TENM2: variants seen among roughly 807,000 people sequenced by gnomAD.
The protein encoded by TENM2 is teneurin transmembrane protein 2, also known as teneurin-2.
Under a neutral mutation model 245.2 loss-of-function variants are expected in TENM2, and 52 were observed. The ratio of observed to expected loss-of-function variants is 0.21; its 90% CI spans 0.17 to 0.27. The LOEUF is 0.27. Among genes scored for constraint, TENM2 ranks in the 10% least tolerant of loss-of-function variants. The pLI, the probability that TENM2 is intolerant of heterozygous loss-of-function variation, is 1.00. For synonymous variants in TENM2, 1,363 were observed against 1,438.9 expected (o/e 0.95, Z 1.19); for missense variants, 3,046 against 3,666.8 (o/e 0.83, Z 4.37).
At chr5:168,162,521 C>G (rs1757835986) in intron 12 of TENM2, 90 bp from the exon 15 acceptor site, 2 of 1,432,130 alleles carry the variant, frequency 1.4e-6, no homozygotes, top group East Asian at 2.4e-5. Flanking sequence ...AGCGGCTGCC[C>G]TGCGGCCTTG....
intron 2 of TENM2, among the ~76,000 whole-genome samples, chr5:167,421,450 T>C (rs1332864757): frequency 2.6e-5 from 4 of 152,134 alleles, no homozygotes; most frequent in African/African-American, 9.7e-5. Flanking sequence ...TCGGCATGGG[T>C]GTTGTCCCTG....
intron 1 of TENM2, among the ~76,000 whole-genome samples, chr5:167,329,456 G>A (rs888213288): frequency 4.0e-5 from 6 of 148,820 alleles, no homozygotes; most frequent in Non-Finnish European, 3.0e-5. Context: ...GGAGGCTGAG[G>A]CAGGAGAATG....
chr5:168,010,517 C>T (rs1322575267), intron 5 of TENM2, among the ~76,000 whole-genome samples: 1 of 152,210 alleles, frequency 6.6e-6, no homozygotes, highest in East Asian at 1.9e-4. Context: ...CTGCCCTCTT[C>T]AGAGCTTCAT....
rs377409025 is a variant in TENM2 at position 167,810,428 on chromosome 5, C to A, written c.503-65558C>A. 1.4e-4 allele frequency among the ~76,000 whole-genome samples: 22 copies of A among 151,894 alleles called. No individual in the cohort carries two copies. In the East Asian group the frequency reaches 1.7e-3, roughly 12 times the overall value. Reference sequence around the variant, plus strand: ...TTAAATCTTCATTTTTTCCCCTTAACGGAACTTGGTCTCCCCATTTCGCCA... The same window carrying A: ...TTAAATCTTCATTTTTTCCCCTTAAAGGAACTTGGTCTCCCCATTTCGCCA... On this transcript the variant is annotated intron_variant, in intron 2 of 28. Coordinates refer to ENST00000518659, the Ensembl canonical transcript of TENM2.
At chr5:167,498,475 A>G (rs1378626263) in intron 2 of TENM2, among the ~76,000 whole-genome samples, 1 of 152,110 alleles carries the variant, frequency 6.6e-6, no homozygotes, top group Non-Finnish European at 1.5e-5. Context: ...TAAATATTTC[A>G]GGGATGACCC....
chr5:168,005,016 C>G (rs1190391708), intron 5 of TENM2, among the ~76,000 whole-genome samples: 1 of 152,126 alleles, frequency 6.6e-6, no homozygotes, highest in Non-Finnish European at 1.5e-5. Context: ...TGCCTAAGGT[C>G]TCATGAACTC....
chr5:167,899,259 G>A (rs1362755946), intron 3 of TENM2, among the ~76,000 whole-genome samples: 2 of 152,120 alleles, frequency 1.3e-5, no homozygotes, highest in East Asian at 1.9e-4. Flanking sequence ...GAAGAGTCAC[G>A]TTAATGTCGC....
the TENM2 span, among the ~76,000 whole-genome samples, chr5:167,258,527 G>T: frequency 1.7e-4 from 26 of 152,092 alleles, no homozygotes; most frequent in Admixed American, 2.6e-4. Context: ...ATGAGGAAAA[G>T]TGATGTGGAG....
chr5:167,938,781 A>G (rs1778934609), intron 3 of TENM2: 1 of 152,180 alleles, frequency 6.6e-6, no homozygotes, highest in Non-Finnish European at 1.5e-5. Context: ...CGTCTCTACT[A>G]AAAATACAAA....
chr5:168,025,859 A>G (rs1786572171), intron 5 of TENM2, among the ~76,000 whole-genome samples: 1 of 152,192 alleles, frequency 6.6e-6, no homozygotes, highest in Admixed American at 6.5e-5. Flanking sequence ...CTAGCAATAA[A>G]GGCTTCATTG....
chr5:167,041,867 G>A, the TENM2 span, among the ~76,000 whole-genome samples: 1 of 152,104 alleles, frequency 6.6e-6, no homozygotes. Context: ...CACCCAGAAG[G>A]TAATTAGTCT....
At chr5:168,153,904 A>G (rs910163997) in intron 12 of TENM2, among the ~76,000 whole-genome samples, 6 of 152,116 alleles carry the variant, frequency 3.9e-5, no homozygotes, top group Admixed American at 3.9e-4. Flanking sequence ...GGGGCATGGC[A>G]TGAGTTGGGG....
At chr5:167,415,812 C>T (rs959405065) in intron 2 of TENM2, among the ~76,000 whole-genome samples, 1 of 152,096 alleles carries the variant, frequency 6.6e-6, no homozygotes, top group African/African-American at 2.4e-5. Context: ...TCCTCTTCGC[C>T]GTGGTACATC....
At chr5:167,729,285 A>G (rs948002656) in intron 2 of TENM2, among the ~76,000 whole-genome samples, 3 of 152,220 alleles carry the variant, frequency 2.0e-5, no homozygotes, top group African/African-American at 7.2e-5. Context: ...TTTCTGTAAT[A>G]GAAAGAGCTA....
At chr5:168,009,485 G>A (rs570953682) in intron 5 of TENM2, among the ~76,000 whole-genome samples, 17 of 152,300 alleles carry the variant, frequency 1.1e-4, no homozygotes, top group Non-Finnish European at 2.1e-4. Context: ...AGACATCAGG[G>A]AATGTGCCTT....
At chr5:167,183,570 T>C in the TENM2 span, among the ~76,000 whole-genome samples, 95 of 152,324 alleles carry the variant, frequency 6.2e-4, no homozygotes, top group African/African-American at 2.2e-3. Context: ...TGTTTAGGTT[T>C]CTTGTTGTTT....
At chr5:168,160,430 C>T (rs981574748) in intron 12 of TENM2, among the ~76,000 whole-genome samples, 8 of 152,174 alleles carry the variant, frequency 5.3e-5, no homozygotes, top group African/African-American at 1.4e-4. Context: ...TCCAGGTGTG[C>T]AAACACTGGT....
At chr5:167,172,102 C>G in the TENM2 span, among the ~76,000 whole-genome samples, 1 of 152,156 alleles carries the variant, frequency 6.6e-6, no homozygotes, top group Non-Finnish European at 1.5e-5. Flanking sequence ...CTTCTCCAAA[C>G]AGCAGGAGTG....
At chr5:167,561,695 G>T (rs1272386203) in intron 2 of TENM2, among the ~76,000 whole-genome samples, 1 of 152,168 alleles carries the variant, frequency 6.6e-6, no homozygotes, top group Non-Finnish European at 1.5e-5. Context: ...CTTTATTCCT[G>T]CTGTGAATAG....
Sources: allele counts gnomAD v4.1 joint callset (sites outside exome capture counted in the v4.1 genomes callset), GRCh38; gene constraint gnomAD v4.1.1; transcripts MANE v1.5; gene names NCBI Gene and HGNC (gene_info 2026-07-23, HGNC 2026-07-21).